ACTN2: variants seen among roughly 807,000 people sequenced by gnomAD.
ACTN2 encodes the protein alpha-actinin-2.
ACTN2 carries 39 observed loss-of-function variants against 113.8 expected under a neutral mutation model. The ratio of observed to expected loss-of-function variants is 0.34; its 90% CI spans 0.27 to 0.45. The LOEUF (loss-of-function observed/expected upper bound fraction) is 0.45. Ranked by LOEUF, ACTN2 falls within the 20% of genes least tolerant of loss-of-function variation. ACTN2 has a pLI of 1.00. For synonymous variants in ACTN2, 429 were observed against 444.1 expected, an observed-to-expected ratio of 0.97 and a Z score of 0.43; for missense variants, 992 against 1,177.9, an observed-to-expected ratio of 0.84 and a Z score of 2.31.
intron 8 of ACTN2, 91 bp downstream of exon 8, chr1:236,735,811 C>T (rs939949274): frequency 1.2e-5 from 13 of 1,117,134 alleles, no homozygotes; most frequent in Middle Eastern, 3.9e-4. Flanking sequence ...GTGCGCTTCA[C>T]ATCTTACCTT....
At position 236,723,013 on chromosome 1, in the gene ACTN2, G is replaced by A. The variant is rs139528891; in HGVS notation, c.448+2822G>A. ...GAAAAAGCCTTGTTCGGCATTCATG[G>A]CCCAAGAGTGTTCACACATATTCAG... On this transcript the variant is annotated intron_variant, in intron 4 of 20. Coordinates refer to ENST00000366578, the MANE Select transcript of ACTN2 (RefSeq NM_001103.4). Among the ~76,000 whole-genome samples, 307 of 152,300 alleles carry A rather than the reference G, an allele frequency of 2.0e-3. 3 individuals are homozygous for A. The highest frequency in any genetic ancestry group is 6.9e-3 in the African/African-American group (287 of 41,558).
At chr1:236,747,467 A>G (rs1208945423) in intron 12 of ACTN2, among the ~76,000 whole-genome samples, 200 bp from the exon 13 acceptor site, 3 of 151,942 alleles carry the variant, frequency 2.0e-5, no homozygotes, top group African/African-American at 7.3e-5. Flanking sequence ...ACACTAAGTA[A>G]TTTTTCATCA....
At chr1:236,746,946 C>A (rs1393994498) in intron 12 of ACTN2, among the ~76,000 whole-genome samples, 1 of 152,166 alleles carries the variant, frequency 6.6e-6, no homozygotes, top group Admixed American at 6.5e-5. Flanking sequence ...GGACCTGATA[C>A]TCTACCCAGT....
At chr1:236,703,317 G>A (rs1366538981) in intron 1 of ACTN2, among the ~76,000 whole-genome samples, 2 of 152,104 alleles carry the variant, frequency 1.3e-5, no homozygotes, top group African/African-American at 2.4e-5. Flanking sequence ...GGGGGAGGCA[G>A]GTGTGACCCC....
At chr1:236,752,636 C>T (rs6702251) in intron 15 of ACTN2, among the ~76,000 whole-genome samples, 2,067 of 152,242 alleles carry the variant, frequency 0.014, 57 homozygotes, top group East Asian at 0.093. Flanking sequence ...ATTGCAACCT[C>T]TTCCTCGTGG....
intron 12 of ACTN2, 72 bp from the exon 13 acceptor site, chr1:236,747,595 C>CT: frequency 7.3e-7 from 1 of 1,360,696 alleles, no homozygotes; most frequent in East Asian, 2.4e-5. Flanking sequence ...TGTTATTTTT[C>CT]TTTTTTAGCC....
intron 12 of ACTN2, 89 bp downstream of exon 12, chr1:236,744,865 A>G: frequency 6.3e-7 from 1 of 1,576,866 alleles, no homozygotes. Context: ...TCCTGACTAA[A>G]CGCAGAGGGA....
rs1311487466 is a variant in ACTN2, at chr1:236,717,867, G to T, written c.136G>T (p.Ala46Ser). The T allele has an allele frequency of 1.2e-6, 2 of 1,613,528 alleles. No homozygotes were observed. The highest frequency in any genetic ancestry group is 1.7e-6 in the Non-Finnish European group (2 of 1,179,632). Residue 46 changes from alanine (A) to serine (S), a missense_variant, in exon 2 of 21, where the codon GCC (alanine) becomes TCC (serine). This residue lies in a region of ACTN2 where 220 missense variants were observed against 337.5 expected (regional missense o/e 0.65). Coordinates refer to ENST00000366578, the MANE Select transcript of ACTN2 (RefSeq NM_001103.4). ...TTGGTTTTCTTTGCAGACCTTCACT[G>T]CCTGGTGTAACTCCCACCTAAGGAA... ...WEKQQRKTFTAWCNSHLRKAG... is the reference protein window; with the variant it reads ...WEKQQRKTFTSWCNSHLRKAG...
intron 1 of ACTN2, among the ~76,000 whole-genome samples, chr1:236,709,791 A>G (rs1422332059): frequency 6.6e-6 from 1 of 152,188 alleles, no homozygotes; most frequent in Non-Finnish European, 1.5e-5. Context: ...GTGCCTGGGT[A>G]TCCCAGTCCT....
intron 1 of ACTN2, among the ~76,000 whole-genome samples, chr1:236,713,211 A>G (rs1246292266): frequency 2.0e-5 from 3 of 150,192 alleles, no homozygotes; most frequent in African/African-American, 4.9e-5. Context: ...TAGGTTATAT[A>G]TATTGTTCTT....
intron 7 of ACTN2, chr1:236,734,402 C>A: frequency 6.8e-7 from 1 of 1,465,462 alleles, no homozygotes; most frequent in Non-Finnish European, 9.2e-7. Flanking sequence ...ATTAGAACAT[C>A]CACGCGGTTA....
intron 1 of ACTN2, among the ~76,000 whole-genome samples, chr1:236,708,029 G>C (rs1293173022): frequency 1.3e-5 from 2 of 151,884 alleles, no homozygotes; most frequent in African/African-American, 4.8e-5. Context: ...GCATTTCTTG[G>C]GGGAGGGAAC....
intron 5 of ACTN2, 142 bp downstream of exon 5, chr1:236,726,162 T>G: frequency 1.3e-6 from 1 of 772,882 alleles, no homozygotes; most frequent in Non-Finnish European, 2.3e-6. Context: ...GTAGAATTCT[T>G]GATGCTTAAA....
In ACTN2 at chr1:236,737,199, G is replaced by T; in HGVS notation, c.861G>T (p.Glu287Asp). The change falls in exon 9 of 21, where the codon GAG becomes GAT. Residue 287 changes from glutamate to aspartate, a missense_variant. Transcript: ENST00000366578. ...ATGAGAGGCTGATGGAAGAATATGA[G>T]AGGCTAGCGAGTGAGGTAAAGGAAA... ...QENERLMEEYERLASELLEWI... is the reference protein window; with the variant it reads ...QENERLMEEYDRLASELLEWI... 1 of 1,596,186 alleles carries T rather than the reference G, an allele frequency of 6.3e-7. No homozygotes were observed. The highest frequency in any genetic ancestry group is 8.6e-7 in the Non-Finnish European group (1 of 1,168,508).
At chr1:236,701,779 G>T (rs1263109313) in intron 1 of ACTN2, among the ~76,000 whole-genome samples, 1 of 152,136 alleles carries the variant, frequency 6.6e-6, no homozygotes, top group Non-Finnish European at 1.5e-5. Context: ...AAAATTATAA[G>T]AATTTATTTC....
chr1:236,695,571 C>T (rs1349940432), intron 1 of ACTN2, among the ~76,000 whole-genome samples: 1 of 122,120 alleles, frequency 8.2e-6, no homozygotes. Context: ...GTTCCCCCCC[C>T]CTGCCCAGAT....
At chr1:236,719,180 T>C (rs560136212) in intron 3 of ACTN2, among the ~76,000 whole-genome samples, 167 bp downstream of exon 3, 3 of 152,220 alleles carry the variant, frequency 2.0e-5, no homozygotes, top group Middle Eastern at 3.2e-3. Context: ...GAACAAATGG[T>C]ACCATGAGTG....
intron 11 of ACTN2, among the ~76,000 whole-genome samples, chr1:236,744,346 G>A (rs917224235): frequency 6.6e-6 from 1 of 152,174 alleles, no homozygotes; most frequent in Non-Finnish European, 1.5e-5. Context: ...TTAGAATGAT[G>A]AAGACTACAA....
rs149433837 is a variant in ACTN2, at chr1:236,757,492, C to A, written c.2161C>A (p.Arg721Ser). ...TCCCCTTTTCCCTCAATAGCACATTCGTGTTGGATGGGAGCTGCTGCTGAC... is the reference window on the plus strand; with the variant it reads ...TCCCCTTTTCCCTCAATAGCACATTAGTGTTGGATGGGAGCTGCTGCTGAC... ...KHTNYTMEHIRVGWELLLTTI... is the reference protein window; with the variant it reads ...KHTNYTMEHISVGWELLLTTI... The change falls in exon 18 of 21, where the codon CGT becomes AGT. Residue 721 changes from arginine (R) to serine (S), a missense_variant. Coordinates refer to ENST00000366578, the MANE Select transcript of ACTN2 (RefSeq NM_001103.4). The A allele has an allele frequency of 2.2e-4, 363 of 1,613,960 alleles. No individual in the cohort carries two copies. Among genetic ancestry groups the A allele is most frequent in the Admixed American group, 2.5e-4 (15 of 59,996 alleles).
Sources: gnomAD v4.1 joint callset for allele counts (sites outside exome capture counted in the v4.1 genomes callset) on GRCh38, gnomAD v4.1.1 for gene constraint, gnomAD v4.1.1 regional missense constraint, MANE v1.5 for transcripts, NCBI Gene and HGNC (gene_info 2026-07-23, HGNC 2026-07-21) for gene names.